Variants in TBC1D19 observed in about 807,000 individuals in gnomAD.
TBC1D19 encodes the protein TBC1 domain family, member 19.
Under a neutral mutation model 89.0 loss-of-function variants are expected in TBC1D19, and 60 were observed. The ratio of observed to expected loss-of-function variants is 0.67; its 90% confidence interval spans 0.55 to 0.84. The LOEUF (loss-of-function observed/expected upper bound fraction) is 0.84. Ranked by LOEUF, TBC1D19 falls within the 40% of genes least tolerant of loss-of-function variation. The pLI, the probability that TBC1D19 is intolerant of heterozygous loss-of-function variation, is 0.00. For synonymous variants in TBC1D19, 189 were observed against 199.7 expected (o/e 0.95, Z 0.45); for missense variants, 500 against 610.8 (o/e 0.82, Z 1.91).
the TBC1D19 span, among the ~76,000 whole-genome samples, chr4:26,836,746 C>T: frequency 6.6e-6 from 1 of 152,220 alleles, no homozygotes; most frequent in Admixed American, 6.5e-5. Flanking sequence ...GAGGCAGCAG[C>T]TTTCCAGCAG....
Position 26,628,037 on chromosome 4 carries a change from T to TTA in TBC1D19, c.294+7350_294+7351dup, listed in dbSNP as rs1742547140. 7.9e-5 allele frequency among the ~76,000 whole-genome samples: 12 copies of TTA among 152,304 alleles called. No homozygotes were observed. The South Asian group carries it at 2.5e-3, about 32-fold the overall frequency. On this transcript the variant is annotated intron_variant, in intron 4 of 20. Transcript: ENST00000264866. ...GGTTTTAGGTCTAACGTTTAAGTCT[T>TTA]TAATCCATCTTGAATTAATTTTTGT... is the stretch of plus-strand genomic sequence containing the variant.
chr4:26,676,436 G>T (rs571679579), intron 11 of TBC1D19, among the ~76,000 whole-genome samples: 24 of 152,292 alleles, frequency 1.6e-4, no homozygotes, highest in African/African-American at 5.8e-4. Flanking sequence ...AGAAATGTCA[G>T]GCTGGGCACA....
the TBC1D19 span, among the ~76,000 whole-genome samples, chr4:26,852,452 G>C: frequency 6.6e-6 from 1 of 152,126 alleles, no homozygotes; most frequent in Non-Finnish European, 1.5e-5. Context: ...AGCTACTTAG[G>C]AGGCTAAGAT....
chr4:26,826,022 C>T, the TBC1D19 span, among the ~76,000 whole-genome samples: 38 of 151,992 alleles, frequency 2.5e-4, no homozygotes, highest in Non-Finnish European at 3.4e-4. Context: ...GGCAACATGG[C>T]GAAACCCCAT....
chr4:26,650,047 A>G (rs957699127), intron 7 of TBC1D19, among the ~76,000 whole-genome samples: 1 of 152,076 alleles, frequency 6.6e-6, no homozygotes, highest in Non-Finnish European at 1.5e-5. Flanking sequence ...TGAACTCATC[A>G]TTTTTTATGG....
chr4:26,789,607 G>A, the TBC1D19 span, among the ~76,000 whole-genome samples: 1 of 152,210 alleles, frequency 6.6e-6, no homozygotes, highest in Non-Finnish European at 1.5e-5. Flanking sequence ...CTGTTGATGA[G>A]AATGTAAATT....
chr4:26,680,808 C>T (rs1463030123), intron 11 of TBC1D19, among the ~76,000 whole-genome samples: 1 of 152,166 alleles, frequency 6.6e-6, no homozygotes, highest in African/African-American at 2.4e-5. Context: ...CTTAGCTCTT[C>T]TTTCTCTCGT....
chr4:26,686,854 C>G (rs1202710564), intron 12 of TBC1D19, among the ~76,000 whole-genome samples: 1 of 152,150 alleles, frequency 6.6e-6, no homozygotes, highest in Non-Finnish European at 1.5e-5. Context: ...TTTCCATCCT[C>G]CCCTGATTGC....
At chr4:26,801,989 A>G in the TBC1D19 span, among the ~76,000 whole-genome samples, 1 of 152,126 alleles carries the variant, frequency 6.6e-6, no homozygotes, top group Non-Finnish European at 1.5e-5. Context: ...ACTGTATTGG[A>G]AAGACTGTAT....
intron 13 of TBC1D19, among the ~76,000 whole-genome samples, chr4:26,707,345 A>ACAGT (rs1715819617): frequency 6.6e-6 from 1 of 152,030 alleles, no homozygotes; most frequent in Admixed American, 6.6e-5. Context: ...TGATATAAGT[A>ACAGT]CAGTCACCTT....
chr4:26,850,560 A>AAAAAAAAG, the TBC1D19 span, among the ~76,000 whole-genome samples: 7 of 148,686 alleles, frequency 4.7e-5, no homozygotes, highest in African/African-American at 1.7e-4. Flanking sequence ...AAAAAAAAAA[A>AAAAAAAAG]AAGAAGAAGA....
the TBC1D19 span, among the ~76,000 whole-genome samples, chr4:26,766,843 A>G: frequency 6.6e-6 from 1 of 152,198 alleles, no homozygotes; most frequent in African/African-American, 2.4e-5. Context: ...GTTAAATGAG[A>G]TAATGCATAT....
chr4:26,719,578 G>T (rs1313927062), intron 14 of TBC1D19, among the ~76,000 whole-genome samples: 1 of 151,796 alleles, frequency 6.6e-6, no homozygotes, highest in African/African-American at 2.4e-5. Flanking sequence ...TACTTTTCTG[G>T]GACAACTCTG....
the TBC1D19 span, among the ~76,000 whole-genome samples, chr4:26,763,250 C>G: frequency 6.6e-6 from 1 of 152,088 alleles, no homozygotes; most frequent in African/African-American, 2.4e-5. Context: ...AAAATTTAAC[C>G]TGAAAGACTG....
At chr4:26,851,259 T>A in the TBC1D19 span, among the ~76,000 whole-genome samples, 1 of 145,364 alleles carries the variant, frequency 6.9e-6, no homozygotes, top group Non-Finnish European at 1.5e-5. Context: ...GTCATGGGAT[T>A]TCGCAGCCTC....
intron 15 of TBC1D19, among the ~76,000 whole-genome samples, chr4:26,727,234 C>T (rs1173060309): frequency 1.3e-5 from 2 of 152,186 alleles, no homozygotes; most frequent in East Asian, 3.9e-4. Context: ...TAGCCAAGAA[C>T]ATGACAACCT....
the TBC1D19 span, among the ~76,000 whole-genome samples, chr4:26,819,195 C>A: frequency 6.6e-6 from 1 of 152,212 alleles, no homozygotes; most frequent in African/African-American, 2.4e-5. Flanking sequence ...TGTTTGTGAG[C>A]AGCTTGCTTT....
intron 19 of TBC1D19, among the ~76,000 whole-genome samples, chr4:26,749,648 T>C (rs1391326349): frequency 6.6e-6 from 1 of 152,068 alleles, no homozygotes; most frequent in Non-Finnish European, 1.5e-5. Context: ...GGTTTTACCA[T>C]GTTGGCCAGG....
upstream of TBC1D19, among the ~76,000 whole-genome samples, chr4:26,583,519 C>T (rs142675771): frequency 3.2e-3 from 486 of 152,262 alleles, 2 homozygotes; most frequent in Admixed American, 5.2e-3. Flanking sequence ...CAAATAATGC[C>T]TGTTGGTTAA....
Sources: gnomAD v4.1 joint callset for allele counts (sites outside exome capture counted in the v4.1 genomes callset) on GRCh38, gnomAD v4.1.1 for gene constraint, MANE v1.5 for transcripts, NCBI Gene and HGNC (gene_info 2026-07-23, HGNC 2026-07-21) for gene names.